GRID2: variants seen among roughly 807,000 people sequenced by gnomAD.
The protein encoded by GRID2 is glutamate receptor ionotropic, delta-2.
GRID2 carries 33 observed loss-of-function variants against 114.8 expected under a neutral mutation model. That is an observed-to-expected ratio of 0.29 (90% CI 0.22 to 0.38). The LOEUF (loss-of-function observed/expected upper bound fraction) is 0.38, where lower values mean the gene tolerates loss of function less well. Among genes scored for constraint, GRID2 ranks in the 10% least tolerant of loss-of-function variants. GRID2 has a pLI of 1.00. For synonymous variants in GRID2, 505 were observed against 449.9 expected, an observed-to-expected ratio of 1.12 and a Z score of -1.55; for missense variants, 1,184 against 1,257.7, an observed-to-expected ratio of 0.94 and a Z score of 0.89.
At chr4:93,633,564 A>T (rs1324907839) in intron 14 of GRID2, among the ~76,000 whole-genome samples, 1 of 152,124 alleles carries the variant, frequency 6.6e-6, no homozygotes, top group Non-Finnish European at 1.5e-5. Context: ...GCTAAAGATC[A>T]GCCCATTTAC....
chr4:93,168,473 A>G (rs951425538), intron 4 of GRID2, among the ~76,000 whole-genome samples: 8 of 152,278 alleles, frequency 5.3e-5, no homozygotes, highest in Admixed American at 5.2e-4. Context: ...TTAGCCAGTC[A>G]AAAGAATGAA....
chr4:93,407,916 T>C (rs1299256405), intron 9 of GRID2, among the ~76,000 whole-genome samples: 2 of 152,086 alleles, frequency 1.3e-5, no homozygotes, highest in Admixed American at 1.3e-4. Flanking sequence ...GGTATGATTT[T>C]TGAATTGGGA....
At chr4:93,027,594 G>A (rs1411073283) in intron 2 of GRID2, among the ~76,000 whole-genome samples, 3 of 152,040 alleles carry the variant, frequency 2.0e-5, no homozygotes, top group African/African-American at 7.2e-5. Context: ...TTCATATGTT[G>A]TTATCTTTGG....
intron 1 of GRID2, among the ~76,000 whole-genome samples, chr4:92,523,294 T>G (rs529391808): frequency 1.3e-5 from 2 of 152,164 alleles, no homozygotes; most frequent in South Asian, 4.1e-4. Flanking sequence ...ATTTTTGACT[T>G]GTTTCAATTT....
rs545308327 is a variant in GRID2 at position 92,776,606 on chromosome 4, A to T, written c.244+186320A>T. On this transcript the variant is annotated intron_variant, in intron 2 of 15. Transcript: ENST00000282020. ...TTTTGACTGTTCGTTTTTAACTTTT[A>T]TAATTAAAGATCTACCAAGAAAGTA... 7.9e-5 allele frequency among the ~76,000 whole-genome samples: 12 copies of T among 152,216 alleles called. No homozygotes were observed. In the South Asian group the frequency reaches 2.5e-3, roughly 32 times the overall value.
At position 92,442,235 on chromosome 4, in the gene GRID2, G is replaced by A. The variant is rs920212945; in HGVS notation, c.88+137491G>A. ...GATCGGGCGGTGTTAGTTTTCAGCC[G>A]CTAAGCCGAGAAGATCTGGGAAGGA... On this transcript the variant is annotated intron_variant, in intron 1 of 15. Coordinates refer to ENST00000282020, the MANE Select transcript of GRID2 (RefSeq NM_001510.4). 2.8e-4 allele frequency among the ~76,000 whole-genome samples: 42 copies of A among 151,890 alleles called. 4 individuals are homozygous for A. The highest frequency in any genetic ancestry group is 3.3e-4 in the Admixed American group (5 of 15,242).
chr4:93,558,357 A>G (rs951127818), intron 13 of GRID2, among the ~76,000 whole-genome samples: 8 of 152,312 alleles, frequency 5.3e-5, no homozygotes, highest in African/African-American at 1.4e-4. Flanking sequence ...AATAAAGAAA[A>G]AAAGAGAGAA....
intron 8 of GRID2, among the ~76,000 whole-genome samples, chr4:93,277,166 A>C (rs1752145697): frequency 6.6e-6 from 1 of 151,960 alleles, no homozygotes; most frequent in Non-Finnish European, 1.5e-5. Flanking sequence ...TTATGCTTAG[A>C]AAGAAACTTA....
intron 8 of GRID2, among the ~76,000 whole-genome samples, chr4:93,362,645 G>A (rs1761982773): frequency 6.6e-6 from 1 of 151,928 alleles, no homozygotes; most frequent in Non-Finnish European, 1.5e-5. Flanking sequence ...CTGGGCAAGG[G>A]TTTACCCCTT....
intron 2 of GRID2, among the ~76,000 whole-genome samples, chr4:92,828,929 G>C (rs1274893851): frequency 1.3e-5 from 2 of 151,984 alleles, no homozygotes; most frequent in African/African-American, 4.8e-5. Context: ...TTGTCAGATG[G>C]ATAGATTGCA....
chr4:92,652,116 G>A (rs1012484498), intron 2 of GRID2, among the ~76,000 whole-genome samples: 4 of 152,032 alleles, frequency 2.6e-5, no homozygotes, highest in Non-Finnish European at 5.9e-5. Flanking sequence ...ATGGTGTGGT[G>A]AGTCAGATAA....
intron 2 of GRID2, among the ~76,000 whole-genome samples, chr4:92,730,736 T>C (rs1023746458): frequency 1.3e-5 from 2 of 151,942 alleles, no homozygotes; most frequent in Non-Finnish European, 2.9e-5. Context: ...GATGTTTGTA[T>C]AATACTGAGG....
intron 14 of GRID2, among the ~76,000 whole-genome samples, chr4:93,653,129 A>T (rs1361609799): frequency 6.6e-6 from 1 of 152,172 alleles, no homozygotes; most frequent in African/African-American, 2.4e-5. Context: ...TTTAATCTAG[A>T]TGAGAGATGA....
chr4:92,816,951 C>A (rs1432807244), intron 2 of GRID2, among the ~76,000 whole-genome samples: 1 of 152,112 alleles, frequency 6.6e-6, no homozygotes, highest in Admixed American at 6.6e-5. Context: ...ACATAACTAC[C>A]TAGCTGCCCT....
chr4:93,183,078 G>A (rs1470654781), intron 4 of GRID2, among the ~76,000 whole-genome samples: 1 of 152,140 alleles, frequency 6.6e-6, no homozygotes, highest in Non-Finnish European at 1.5e-5. Context: ...AAATCAAAAT[G>A]AGTAAAATAA....
chr4:93,660,787 TTA>T (rs755154190), intron 14 of GRID2, among the ~76,000 whole-genome samples: 52 of 152,072 alleles, frequency 3.4e-4, no homozygotes, highest in Non-Finnish European at 6.3e-4. Context: ...AGCATGAGCC[TTA>T]TGTTTTCACC....
At chr4:92,688,726 T>C (rs1484089093) in intron 2 of GRID2, among the ~76,000 whole-genome samples, 1 of 152,182 alleles carries the variant, frequency 6.6e-6, no homozygotes, top group Non-Finnish European at 1.5e-5. Context: ...TCCATGTGGA[T>C]TGGAATAAAC....
At chr4:92,395,234 A>G (rs555383397) in intron 1 of GRID2, among the ~76,000 whole-genome samples, 27 of 151,850 alleles carry the variant, frequency 1.8e-4, no homozygotes, top group African/African-American at 6.0e-4. Context: ...ATTAAAAATT[A>G]TGATTTTGGA....
intron 2 of GRID2, among the ~76,000 whole-genome samples, chr4:92,803,216 G>T (rs1171600324): frequency 6.6e-6 from 1 of 151,880 alleles, no homozygotes; most frequent in Non-Finnish European, 1.5e-5. Flanking sequence ...ACCAAAGCTG[G>T]CATTCTATTT....
Sources: gnomAD v4.1 joint callset for allele counts (sites outside exome capture counted in the v4.1 genomes callset) on GRCh38, gnomAD v4.1.1 for gene constraint, MANE v1.5 for transcripts, NCBI Gene and HGNC (gene_info 2026-07-23, HGNC 2026-07-21) for gene names.